Variants in SNRPD1 observed in about 807,000 individuals in gnomAD.
SNRPD1 encodes the protein small nuclear ribonucleoprotein Sm D1.
A neutral mutation model predicts 14.4 loss-of-function variants in SNRPD1; 1 was observed. That is an observed-to-expected ratio of 0.07 (90% CI 0.02 to 0.33). The LOEUF is 0.33. Ranked by LOEUF, SNRPD1 falls within the 10% of genes least tolerant of loss-of-function variation. The pLI is 1.00. For synonymous variants in SNRPD1, 42 were observed against 50.3 expected, an observed-to-expected ratio of 0.83 and a Z score of 0.70; for missense variants, 52 against 146.4, an observed-to-expected ratio of 0.36 and a Z score of 3.33.
chr18:21,624,002 A>G (rs2039016591), intron 3 of SNRPD1, 63 bp downstream of exon 3: 2 of 934,524 alleles, frequency 2.1e-6, no homozygotes, highest in Non-Finnish European at 3.3e-6. Flanking sequence ...TATTCATAAT[A>G]TAGATATTAT....
At chr18:21,622,689 TGTTACAG>T (rs1568124977) in intron 1 of SNRPD1, 29 bp from the exon 2 acceptor site, 1 of 961,786 alleles carries the variant, frequency 1.0e-6, no homozygotes, top group East Asian at 2.4e-5. Flanking sequence ...GATTTTAAAG[TGTTACAG>T]GTAAAAATGG....
chr18:21,622,889 T>A (rs1237008255), intron 2 of SNRPD1, 88 bp downstream of exon 2: 1 of 665,286 alleles, frequency 1.5e-6, no homozygotes, highest in African/African-American at 1.9e-5. Flanking sequence ...ATGAACATTA[T>A]TGTAGTACAA....
chr18:21,623,679 G>T (rs1465222066), intron 2 of SNRPD1, 69 bp from the exon 3 acceptor site: 11 of 1,097,506 alleles, frequency 1.0e-5, no homozygotes, highest in Non-Finnish European at 1.4e-5. Flanking sequence ...ATTTACTGTG[G>T]CTCAGTAGAT....
chr18:21,627,182 T>G (rs1329250725), intron 3 of SNRPD1, among the ~76,000 whole-genome samples: 2 of 152,080 alleles, frequency 1.3e-5, no homozygotes, highest in Admixed American at 6.6e-5. Flanking sequence ...GGCAGGAGAA[T>G]CGCTTGAACC....
chr18:21,613,588 G>C (rs2038935734), intron 1 of SNRPD1, among the ~76,000 whole-genome samples: 2 of 152,070 alleles, frequency 1.3e-5, no homozygotes, highest in Admixed American at 1.3e-4. Flanking sequence ...CAGGCGCAGT[G>C]GCTCACGTCT....
At chr18:21,619,371 G>T (rs569663333) in intron 1 of SNRPD1, among the ~76,000 whole-genome samples, 1 of 151,932 alleles carries the variant, frequency 6.6e-6, no homozygotes, top group African/African-American at 2.4e-5. Context: ...TAGCAGAGAC[G>T]GGGTTTCGCC....
intron 3 of SNRPD1, among the ~76,000 whole-genome samples, chr18:21,625,316 ATTTTTTTT>A (rs144395165): frequency 9.2e-6 from 1 of 109,102 alleles, no homozygotes; most frequent in African/African-American, 5.0e-5. Context: ...GTTGAAAAAA[ATTTTTTTT>A]TTTTTTTTTG....
At chr18:21,613,410 T>C (rs2038934233) in intron 1 of SNRPD1, among the ~76,000 whole-genome samples, 1 of 152,224 alleles carries the variant, frequency 6.6e-6, no homozygotes, top group Non-Finnish European at 1.5e-5. Context: ...ATTGGGCACC[T>C]GTTACATACT....
chr18:21,624,947 T>TTA, intron 3 of SNRPD1, among the ~76,000 whole-genome samples: 1 of 152,254 alleles, frequency 6.6e-6, no homozygotes. Context: ...CTGTAGATAG[T>TTA]TATACTGTAT....
At chr18:21,625,309 G>GA (rs201010894) in intron 3 of SNRPD1, among the ~76,000 whole-genome samples, 5 of 88,168 alleles carry the variant, frequency 5.7e-5, no homozygotes, top group Non-Finnish European at 8.3e-5. Context: ...AAATTTTGTT[G>GA]AAAAAAATTT....
chr18:21,631,114 T>G lies in SNRPD1; in HGVS notation c.*1976T>G, dbSNP rs1157684070. The G allele has an allele frequency of 3.9e-5, 6 of 151,934 alleles. No homozygotes were observed. The highest frequency in any genetic ancestry group is 3.9e-4 in the Admixed American group (6 of 15,226). 9.4% of individuals were successfully genotyped at this position (151,934 alleles called of 1,614,324 possible). ...TCCAAAAAGGGATGTATGAAATTCA[T>G]GATGATTAAGACAATTTTTTCTTTC... On this transcript the variant is annotated 3_prime_UTR_variant, in exon 4 of 4. Coordinates refer to ENST00000300413, the MANE Select transcript of SNRPD1 (RefSeq NM_006938.4).
intron 1 of SNRPD1, among the ~76,000 whole-genome samples, chr18:21,619,620 A>C (rs1474899407): frequency 1.3e-5 from 2 of 151,818 alleles, no homozygotes; most frequent in African/African-American, 4.8e-5. Context: ...TCTCTACTAA[A>C]AATACAAAAA....
At position 21,632,812 on chromosome 18, in the gene SNRPD1, T is replaced by A. The variant is rs2039093863; in HGVS notation, c.*3674T>A. 6.5e-6 allele frequency: 1 copy of A among 154,836 alleles called. No individual in the cohort carries two copies. Among genetic ancestry groups the A allele is most frequent in the African/African-American group, 2.4e-5 (1 of 41,412 alleles). The allele number at this position is 154,836 out of a possible 1,614,324, so 9.6% of individuals were successfully genotyped here. A position where few individuals can be genotyped will look rare whatever the true frequency, so the allele number is the denominator to read the frequency against. Reference sequence around the variant, plus strand: ...CTGATATTTAATGAGATGTTACATATGAACTTTAGTTTTTTTTCTTTTCTT... The same window carrying A: ...CTGATATTTAATGAGATGTTACATAAGAACTTTAGTTTTTTTTCTTTTCTT... On this transcript the variant is annotated 3_prime_UTR_variant, in exon 4 of 4. Coordinates refer to ENST00000300413, the MANE Select transcript of SNRPD1 (RefSeq NM_006938.4).
intron 1 of SNRPD1, among the ~76,000 whole-genome samples, chr18:21,616,281 A>G (rs1176456482): frequency 6.7e-6 from 1 of 148,708 alleles, no homozygotes; most frequent in East Asian, 2.1e-4. Flanking sequence ...CACTGCGCCC[A>G]GCCCAGAGTT....
intron 3 of SNRPD1, among the ~76,000 whole-genome samples, chr18:21,628,077 G>T (rs546739282): frequency 1.1e-4 from 17 of 152,242 alleles, no homozygotes; most frequent in African/African-American, 4.1e-4. Flanking sequence ...ACTAGAATCA[G>T]TGTGTACAAA....
chr18:21,628,397 G>T (rs751322916), intron 3 of SNRPD1, among the ~76,000 whole-genome samples: 4 of 152,102 alleles, frequency 2.6e-5, no homozygotes. Flanking sequence ...AAAACATTTA[G>T]AATGTGACTG....
intron 3 of SNRPD1, among the ~76,000 whole-genome samples, chr18:21,624,160 C>T (rs2039017779): frequency 6.6e-6 from 1 of 152,094 alleles, no homozygotes; most frequent in Non-Finnish European, 1.5e-5. Context: ...GCGGGTGGAT[C>T]ACGAGGTCAG....
At chr18:21,622,863 AT>A in intron 2 of SNRPD1, 62 bp downstream of exon 2, 3 of 747,198 alleles carry the variant, frequency 4.0e-6, no homozygotes, top group Non-Finnish European at 7.0e-6. Flanking sequence ...GCCAGAGTTT[AT>A]TTTTTTATTG....
chr18:21,630,903 G>A lies in SNRPD1; in HGVS notation c.*1765G>A, dbSNP rs1429119494. 5 of 148,282 alleles carry A rather than the reference G, an allele frequency of 3.4e-5. No homozygotes were observed. The highest frequency in any genetic ancestry group is 5.9e-5 in the Non-Finnish European group (4 of 67,388). 9.2% of individuals were successfully genotyped at this position (148,282 alleles called of 1,614,324 possible). Reference sequence around the variant, plus strand: ...ATTAGATATATAAATGTATATATTGGTATAAATAAATACTAGATATATATT... The same window carrying A: ...ATTAGATATATAAATGTATATATTGATATAAATAAATACTAGATATATATT... On this transcript the variant is annotated 3_prime_UTR_variant, in exon 4 of 4. Coordinates refer to ENST00000300413, the MANE Select transcript of SNRPD1 (RefSeq NM_006938.4).
Sources: gnomAD v4.1 joint callset for allele counts (sites outside exome capture counted in the v4.1 genomes callset) on GRCh38, gnomAD v4.1.1 for gene constraint, MANE v1.5 for transcripts, NCBI Gene and HGNC (gene_info 2026-07-23, HGNC 2026-07-21) for gene names.